Variants in SLC38A1 observed in about 807,000 individuals in gnomAD.
SLC38A1 encodes sodium-coupled neutral amino acid symporter 1.
Under a neutral mutation model 60.3 loss-of-function variants are expected in SLC38A1, and 18 were observed. The observed-to-expected ratio is 0.30, with a 90% CI of 0.21 to 0.44. The LOEUF is 0.44. Among genes scored for constraint, SLC38A1 ranks in the 20% least tolerant of loss-of-function variants. The pLI is 1.00. For missense variants in SLC38A1, 448 were observed against 587.2 expected, an observed-to-expected ratio of 0.76 and a Z score of 2.45; for synonymous variants, 196 against 212.1, an observed-to-expected ratio of 0.92 and a Z score of 0.66.
chr12:46,258,075 TA>T (rs1407299832), intron 1 of SLC38A1, among the ~76,000 whole-genome samples: 5 of 152,252 alleles, frequency 3.3e-5, no homozygotes, highest in Non-Finnish European at 5.9e-5. Flanking sequence ...ATGGCATTTG[TA>T]AGCTGTCATG....
chr12:46,189,442 T>C (rs1939051241), intron 16 of SLC38A1, among the ~76,000 whole-genome samples: 1 of 152,216 alleles, frequency 6.6e-6, no homozygotes, highest in Non-Finnish European at 1.5e-5. Flanking sequence ...GTCATTTTGT[T>C]ATTCATTACC....
chr12:46,211,082 A>AT (rs1940147987), intron 5 of SLC38A1, among the ~76,000 whole-genome samples: 1 of 152,206 alleles, frequency 6.6e-6, no homozygotes, highest in South Asian at 2.1e-4. Context: ...GTCAAGTAAG[A>AT]TAAGCAATAT....
At chr12:46,220,698 G>A (rs1381770643) in intron 5 of SLC38A1, among the ~76,000 whole-genome samples, 1 of 152,064 alleles carries the variant, frequency 6.6e-6, no homozygotes, top group Non-Finnish European at 1.5e-5. Flanking sequence ...CAACCTTTTT[G>A]GCATATATGT....
intron 16 of SLC38A1, among the ~76,000 whole-genome samples, chr12:46,194,791 G>C (rs1939292665): frequency 6.6e-6 from 1 of 152,044 alleles, no homozygotes; most frequent in African/African-American, 2.4e-5. Flanking sequence ...GTCATTTGAG[G>C]TCTTCTCTAC....
intron 16 of SLC38A1, chr12:46,196,423 G>C (rs1033412561): frequency 1.8e-6 from 2 of 1,127,926 alleles, no homozygotes; most frequent in Non-Finnish European, 2.4e-6. Context: ...TTCATTATGG[G>C]ACCAGGGTTG....
At chr12:46,212,173 G>C (rs1940199308) in intron 5 of SLC38A1, among the ~76,000 whole-genome samples, 1 of 152,140 alleles carries the variant, frequency 6.6e-6, no homozygotes, top group Admixed American at 6.5e-5. Flanking sequence ...CTGGAGAGAA[G>C]GTGTTGACTT....
chr12:46,218,005 T>C (rs1940490046), intron 5 of SLC38A1, among the ~76,000 whole-genome samples: 1 of 152,240 alleles, frequency 6.6e-6, no homozygotes, highest in African/African-American at 2.4e-5. Flanking sequence ...TAGTATCTAA[T>C]ATAATCCTCA....
chr12:46,260,274 T>C (rs1225732664), intron 1 of SLC38A1, among the ~76,000 whole-genome samples: 1 of 152,220 alleles, frequency 6.6e-6, no homozygotes, highest in African/African-American at 2.4e-5. Context: ...CGACTCTTCT[T>C]GCTCCACATA....
At chr12:46,242,509 T>C (rs919972374) in intron 2 of SLC38A1, among the ~76,000 whole-genome samples, 2 of 152,146 alleles carry the variant, frequency 1.3e-5, no homozygotes, top group Non-Finnish European at 2.9e-5. Context: ...TGGTGGCTCA[T>C]ATTTGTAATC....
At chr12:46,255,303 A>G (rs966236818) in intron 1 of SLC38A1, among the ~76,000 whole-genome samples, 1 of 152,234 alleles carries the variant, frequency 6.6e-6, no homozygotes, top group Non-Finnish European at 1.5e-5. Flanking sequence ...TTATGTAACA[A>G]TTATAATTAT....
At chr12:46,202,357 G>A (rs1322060636) in intron 12 of SLC38A1, among the ~76,000 whole-genome samples, 2 of 152,038 alleles carry the variant, frequency 1.3e-5, no homozygotes, top group Admixed American at 6.6e-5. Context: ...TGATATTGTC[G>A]ATCTTTTCTA....
intron 16 of SLC38A1, chr12:46,196,356 G>C: frequency 1.3e-6 from 2 of 1,512,652 alleles, no homozygotes; most frequent in Non-Finnish European, 1.8e-6. Context: ...AACTCCCAGT[G>C]GTCCTTACAC....
At chr12:46,223,166 T>C (rs920509892) in intron 5 of SLC38A1, among the ~76,000 whole-genome samples, 14 of 151,796 alleles carry the variant, frequency 9.2e-5, no homozygotes, top group Admixed American at 9.2e-4. Context: ...GGCTCTAGAG[T>C]CAAGCAAGCC....
chr12:46,198,796 G>A (rs1345313656), intron 13 of SLC38A1, 53 bp from the exon 14 acceptor site: 2 of 1,054,840 alleles, frequency 1.9e-6, no homozygotes, highest in East Asian at 5.0e-5. Context: ...GTATATAGCT[G>A]AATGACAGTT....
chr12:46,200,333 G>T (rs1939595587), intron 13 of SLC38A1, among the ~76,000 whole-genome samples: 1 of 151,250 alleles, frequency 6.6e-6, no homozygotes, highest in Non-Finnish European at 1.5e-5. Flanking sequence ...AAGTCCCAAA[G>T]AATTATTATT....
At chr12:46,207,929 T>C (rs1939982378) in intron 6 of SLC38A1, among the ~76,000 whole-genome samples, 2 of 152,224 alleles carry the variant, frequency 1.3e-5, no homozygotes, top group African/African-American at 4.8e-5. Flanking sequence ...GGAAATTCCT[T>C]CTGTGATCTT....
At chr12:46,221,206 G>A (rs923343844) in intron 5 of SLC38A1, among the ~76,000 whole-genome samples, 3 of 152,152 alleles carry the variant, frequency 2.0e-5, no homozygotes, top group Non-Finnish European at 2.9e-5. Flanking sequence ...GACAGACAGA[G>A]AGACAGGGAG....
intron 3 of SLC38A1, among the ~76,000 whole-genome samples, chr12:46,232,757 A>G (rs1190880526): frequency 6.6e-6 from 1 of 152,238 alleles, no homozygotes; most frequent in African/African-American, 2.4e-5. Flanking sequence ...TCAAGTCCCT[A>G]ACATAAAATA....
At chr12:46,207,352 T>A in intron 7 of SLC38A1, 116 bp from the exon 8 acceptor site, 1 of 1,047,244 alleles carries the variant, frequency 9.5e-7, no homozygotes, top group Admixed American at 2.3e-5. Context: ...AAAGGCAACT[T>A]CAGCTACTCT....
Sources: allele counts gnomAD v4.1 joint callset (sites outside exome capture counted in the v4.1 genomes callset), GRCh38; gene constraint gnomAD v4.1.1; transcripts MANE v1.5; gene names NCBI Gene and HGNC (gene_info 2026-07-23, HGNC 2026-07-21).